HDC: variants seen among roughly 807,000 people sequenced by gnomAD.
HDC encodes the protein histidine decarboxylase.
Under a neutral mutation model 64.4 loss-of-function variants are expected in HDC, and 27 were observed. The ratio of observed to expected loss-of-function variants is 0.42; its 90% CI spans 0.31 to 0.58. The LOEUF is 0.58. Ranked by LOEUF, HDC falls within the 20% of genes least tolerant of loss-of-function variation. HDC has a pLI of 0.16. For missense variants in HDC, 711 were observed against 833.9 expected, an observed-to-expected ratio of 0.85 and a Z score of 1.81; for synonymous variants, 305 against 314.2, an observed-to-expected ratio of 0.97 and a Z score of 0.31.
chr15:50,243,123 G>A lies in HDC; in HGVS notation c.1242+20C>T, dbSNP rs1378652800. 6.2e-7 allele frequency: 1 copy of A among 1,610,694 alleles called. No homozygotes were observed. Among genetic ancestry groups the A allele is most frequent in the Non-Finnish European group, 8.5e-7 (1 of 1,176,994 alleles). On this transcript the variant is annotated intron_variant, in intron 11 of 11. Coordinates refer to ENST00000267845, the MANE Select transcript of HDC (RefSeq NM_002112.4). ...CACCACAAGACATCATTCACAGAGG[G>A]GCTTGGAAGATGGTATTACCTTTAG...
At chr15:50,246,875 G>A (rs187140782) in intron 10 of HDC, among the ~76,000 whole-genome samples, 1 of 152,270 alleles carries the variant, frequency 6.6e-6, no homozygotes, top group African/African-American at 2.4e-5. Context: ...CAATATTGTT[G>A]GTGGCAGCTG....
intron 7 of HDC, 125 bp from the exon 8 acceptor site, chr15:50,252,899 G>T: frequency 1.1e-6 from 1 of 934,222 alleles, no homozygotes; most frequent in Non-Finnish European, 1.6e-6. Flanking sequence ...AAACGGAGGG[G>T]TGTGGAGATG....
At chr15:50,253,468 G>A (rs2045584845) in intron 7 of HDC, 132 bp downstream of exon 7, 3 of 848,334 alleles carry the variant, frequency 3.5e-6, no homozygotes, top group Non-Finnish European at 6.1e-6. Context: ...ACCTTTGGTG[G>A]TTCTTCCCAT....
rs2045729178 is a variant in HDC at position 50,263,349 on chromosome 15, C to T, written c.90G>A (p.Val30=). 6.2e-7 allele frequency: 1 copy of T among 1,614,064 alleles called. No individual in the cohort carries two copies. Among genetic ancestry groups the T allele is most frequent in the Non-Finnish European group, 8.5e-7 (1 of 1,180,022 alleles). The change falls in exon 2 of 12, where the codon GTG becomes GTA. Residue 30 remains valine, a synonymous_variant. Coordinates refer to ENST00000267845, the MANE Select transcript of HDC (RefSeq NM_002112.4). ...QYLSTVRERR[V]TPDVQPGYLR... The stretch of plus-strand genomic sequence containing the variant: ...GGTAGCCAGGCTGCACGTCTGGCGT[C>T]ACACGTCTCTCCCGCACAGTGCTCA...
chr15:50,263,857 A>C (rs2045736761), intron 1 of HDC, among the ~76,000 whole-genome samples: 1 of 152,180 alleles, frequency 6.6e-6, no homozygotes, highest in South Asian at 2.1e-4. Flanking sequence ...CAGAATTTAA[A>C]AAAAGAGTGA....
At chr15:50,261,908 C>G (rs2045709292) in intron 2 of HDC, among the ~76,000 whole-genome samples, 1 of 152,034 alleles carries the variant, frequency 6.6e-6, no homozygotes. Flanking sequence ...GGGGTTTCTC[C>G]ATGTTGGTCA....
intron 2 of HDC, among the ~76,000 whole-genome samples, chr15:50,262,179 C>A (rs1221038056): frequency 6.6e-6 from 1 of 151,902 alleles, no homozygotes; most frequent in African/African-American, 2.4e-5. Context: ...ATGCTAGGGG[C>A]CCAGGCTTAG....
intron 7 of HDC, chr15:50,253,159 G>A (rs770713875): frequency 5.2e-6 from 2 of 384,236 alleles, no homozygotes; most frequent in Admixed American, 4.0e-5. Flanking sequence ...CTTGCTTGGG[G>A]ATTAAACAGT....
Position 50,252,726 on chromosome 15 carries a change from G to C in HDC, c.836C>G (p.Thr279Ser). 6.2e-7 allele frequency: 1 copy of C among 1,614,140 alleles called. No homozygotes were observed. Among genetic ancestry groups the C allele is most frequent in the Non-Finnish European group, 8.5e-7 (1 of 1,180,014 alleles). Residue 279 changes from threonine to serine, a missense_variant, in exon 8 of 12, where the codon ACT (threonine) becomes AGT (serine). Around this residue, in one of 3 missense-constraint regions of HDC, gnomAD observed 483 missense variants for 540.9 expected, o/e 0.89. Coordinates refer to ENST00000267845, the MANE Select transcript of HDC (RefSeq NM_002112.4). Reference protein sequence around the residue: ...WLHIDAAYAGTAFLCPEFRGF... With the variant: ...WLHIDAAYAGSAFLCPEFRGF... ...CCGGAACTCGGGGCACAGGAAGGCA[G>C]TGCCTGCATAAGCAGCATCGATGTG...
rs1359161234 is a variant in HDC at position 50,257,633 on chromosome 15, T to C, written c.319-86A>G. On this transcript the variant is annotated intron_variant, in intron 3 of 11. Transcript: ENST00000267845. ...GCTCCAGAAACATGTCTGCCCCTGA[T>C]GGTGTCAATGGGAACATTTCTGGAG... 4.1e-6 allele frequency: 6 copies of C among 1,472,906 alleles called. No individual in the cohort carries two copies. The East Asian group carries it at 1.1e-4, about 28-fold the overall frequency. 91.2% of individuals were successfully genotyped at this position (1,472,906 alleles called of 1,614,324 possible). A position where few individuals can be genotyped will look rare whatever the true frequency, so the allele number is the denominator to read the frequency against.
chr15:50,253,544 G>C lies in HDC; in HGVS notation c.787+56C>G, dbSNP rs755781258. 3 of 1,476,564 alleles carry C rather than the reference G, an allele frequency of 2.0e-6. No individual in the cohort carries two copies. The Admixed American group carries it at 5.0e-5, about 25-fold the overall frequency. 91.5% of individuals were successfully genotyped at this position (1,476,564 alleles called of 1,614,324 possible). A position where few individuals can be genotyped will look rare whatever the true frequency, so the allele number is the denominator to read the frequency against. On this transcript the variant is annotated intron_variant, in intron 7 of 11. Coordinates refer to ENST00000267845, the MANE Select transcript of HDC (RefSeq NM_002112.4). ...GAGCTGGTTTCAGGTCCTTGCTTTA[G>C]GAGACATTTAAAAATGTATTCCTTG...
chr15:50,264,996 G>A (rs1375885696), intron 1 of HDC, among the ~76,000 whole-genome samples: 4 of 152,240 alleles, frequency 2.6e-5, no homozygotes, highest in Non-Finnish European at 5.9e-5. Flanking sequence ...TAATTAGTGA[G>A]TAGGAGGATA....
At position 50,257,461 on chromosome 15, in the gene HDC, G is replaced by A; in HGVS notation, c.405C>T (p.His135=). ...KMLGLPEHFL[H]HHPSSQGGGV... is the part of the protein sequence containing the mutation. ...CTCCGCCCTGGCTGCTGGGGTGGTG[G>A]TGCAAGAAGTGCTCTGGAAGTCCCA... Residue 135 remains histidine (H), a synonymous_variant, in exon 4 of 12, where the codon CAC becomes CAT. Coordinates refer to ENST00000267845, the MANE Select transcript of HDC (RefSeq NM_002112.4). The A allele has an allele frequency of 6.2e-7, 1 of 1,614,234 alleles. No homozygotes were observed. Among genetic ancestry groups the A allele is most frequent in the Non-Finnish European group, 8.5e-7 (1 of 1,180,038 alleles).
intron 6 of HDC, 82 bp downstream of exon 6, chr15:50,254,048 G>T: frequency 1.4e-6 from 2 of 1,447,402 alleles, no homozygotes; most frequent in East Asian, 2.3e-5. Flanking sequence ...TGTGCAGCAT[G>T]TTACTTACCT....
intron 9 of HDC, among the ~76,000 whole-genome samples, chr15:50,250,158 G>A (rs1006952139): frequency 6.6e-6 from 1 of 152,328 alleles, no homozygotes. Flanking sequence ...CAGGACCCCA[G>A]GGGTTAAGCA....
chr15:50,254,508 T>C, intron 5 of HDC, 22 bp downstream of exon 5: 2 of 1,614,182 alleles, frequency 1.2e-6, no homozygotes, highest in Admixed American at 1.7e-5. Flanking sequence ...CCCGAAGGGC[T>C]GTCCTGCGTC....
chr15:50,246,998 CA>C (rs1361000521), intron 10 of HDC, among the ~76,000 whole-genome samples: 4 of 152,146 alleles, frequency 2.6e-5, no homozygotes, highest in African/African-American at 7.2e-5. Context: ...CACAGAAGGA[CA>C]AATTTCACAT....
rs2045501781 is a variant in HDC, at chr15:50,247,776, G to A, written c.1140+469C>T. Among the ~76,000 whole-genome samples, 4 of 152,210 alleles carry A rather than the reference G, an allele frequency of 2.6e-5. No homozygotes were observed. The South Asian group carries it at 6.2e-4, about 24-fold the overall frequency. The stretch of plus-strand genomic sequence containing the variant: ...CCTTCAATAAATGCCTGTTGATGCA[G>A]GGAGGTTTGTTCCAGACTTGGTAGG... On this transcript the variant is annotated intron_variant, in intron 10 of 11. Coordinates refer to ENST00000267845, the MANE Select transcript of HDC (RefSeq NM_002112.4).
At chr15:50,246,995 G>A (rs1178562007) in intron 10 of HDC, among the ~76,000 whole-genome samples, 1 of 152,156 alleles carries the variant, frequency 6.6e-6, no homozygotes, top group African/African-American at 2.4e-5. Flanking sequence ...AGGCACAGAA[G>A]GACAAATTTC....
Sources: allele counts gnomAD v4.1 joint callset (sites outside exome capture counted in the v4.1 genomes callset), GRCh38; gene constraint gnomAD v4.1.1; regional missense constraint gnomAD v4.1.1; transcripts MANE v1.5; gene names NCBI Gene and HGNC (gene_info 2026-07-23, HGNC 2026-07-21).